ZMAT3: variants seen among roughly 807,000 people sequenced by gnomAD.
The protein encoded by ZMAT3 is zinc finger matrin-type protein 3.
ZMAT3 carries 17 observed loss-of-function variants against 32.3 expected under a neutral mutation model. The observed-to-expected ratio is 0.53, with a 90% CI of 0.36 to 0.79. The LOEUF is 0.79. ZMAT3 is among the 30% of genes least tolerant of loss of function. ZMAT3 has a pLI of 0.00. For missense variants in ZMAT3, 329 were observed against 359.7 expected, an observed-to-expected ratio of 0.91 and a Z score of 0.69; for synonymous variants, 120 against 133.1, an observed-to-expected ratio of 0.90 and a Z score of 0.68.
intron 5 of ZMAT3, among the ~76,000 whole-genome samples, chr3:179,026,494 C>T (rs1718881595): frequency 7.0e-6 from 1 of 143,018 alleles, no homozygotes; most frequent in Non-Finnish European, 1.5e-5. Context: ...TCAAGCGATT[C>T]TCCTGCCTCA....
chr3:179,067,005 G>T (rs1721449114), intron 2 of ZMAT3, among the ~76,000 whole-genome samples: 1 of 152,196 alleles, frequency 6.6e-6, no homozygotes, highest in Non-Finnish European at 1.5e-5. Flanking sequence ...AGAGTTAGAA[G>T]TCAAAAATGG....
At chr3:179,058,734 C>T (rs1301696436) in intron 2 of ZMAT3, among the ~76,000 whole-genome samples, 8 of 131,330 alleles carry the variant, frequency 6.1e-5, no homozygotes, top group Admixed American at 8.8e-5. Context: ...CCAGCCTGGG[C>T]GACAGAGCGA....
rs183467847 is a variant in ZMAT3 at position 179,040,427 on chromosome 3, T to C, written c.271-9428A>G. 8.5e-5 allele frequency among the ~76,000 whole-genome samples: 13 copies of C among 152,322 alleles called. 1 individual carries two copies. The highest frequency in any genetic ancestry group is 2.9e-4 in the African/African-American group (12 of 41,566). ...GCCAGAAAAGAGTGGGGGCCGATAT[T>C]CAACTTCCTTAAAGAAAAGAATTTT... On this transcript the variant is annotated intron_variant, in intron 2 of 5. Transcript: ENST00000311417.
intron 2 of ZMAT3, among the ~76,000 whole-genome samples, chr3:179,035,580 T>C (rs1719539908): frequency 6.6e-6 from 1 of 151,442 alleles, no homozygotes; most frequent in Admixed American, 6.6e-5. Flanking sequence ...CACTAATCAC[T>C]ATCTAAAATA....
intron 2 of ZMAT3, among the ~76,000 whole-genome samples, chr3:179,053,251 ATATC>A (rs1405612416): frequency 6.6e-6 from 1 of 150,380 alleles, no homozygotes; most frequent in East Asian, 1.9e-4. Context: ...TATCTACAAA[ATATC>A]TATATTCTAT....
intron 2 of ZMAT3, among the ~76,000 whole-genome samples, chr3:179,036,553 T>C (rs1719602965): frequency 6.6e-6 from 1 of 151,970 alleles, no homozygotes; most frequent in South Asian, 2.1e-4. Flanking sequence ...AATAGCATAT[T>C]GGATAAGAGG....
chr3:179,053,262 CTATA>C (rs1029128881), intron 2 of ZMAT3, among the ~76,000 whole-genome samples: 1 of 149,404 alleles, frequency 6.7e-6, no homozygotes, highest in Non-Finnish European at 1.5e-5. Flanking sequence ...TATCTATATT[CTATA>C]TAGAGATAAT....
chr3:179,067,490 T>C lies in ZMAT3; in HGVS notation c.263A>G (p.His88Arg), dbSNP rs773818316. 6.2e-7 allele frequency: 1 copy of C among 1,612,330 alleles called. No homozygotes were observed. The highest frequency in any genetic ancestry group is 1.7e-5 in the Admixed American group (1 of 60,010). Residue 88 changes from histidine (H) to arginine (R), a missense_variant, in exon 2 of 6, where the codon CAT becomes CGT. His to Arg is a conservative substitution (Grantham distance 29, BLOSUM62 0). Transcript: ENST00000311417. ...TTTCTTTTCTCCCTTTACCTGATAATGAGCCTGGGCTTGCTGTGCAGAGTT... is the reference window on the plus strand; with the variant it reads ...TTTCTTTTCTCCCTTTACCTGATAACGAGCCTGGGCTTGCTGTGCAGAGTT... Reference protein sequence around the residue: ...TLNSAQQAQAHYQGKNHGKKL... With the variant: ...TLNSAQQAQARYQGKNHGKKL...
intron 2 of ZMAT3, among the ~76,000 whole-genome samples, chr3:179,032,998 TCATTG>T (rs1420165540): frequency 6.6e-6 from 1 of 152,212 alleles, no homozygotes. Context: ...ACCCAACAGC[TCATTG>T]AGAACGGGCC....
intron 2 of ZMAT3, among the ~76,000 whole-genome samples, chr3:179,052,141 T>A (rs1000015846): frequency 5.9e-5 from 9 of 151,556 alleles, no homozygotes; most frequent in African/African-American, 2.2e-4. Flanking sequence ...TAAAGATAAA[T>A]AGATGAGATT....
chr3:179,052,331 A>G (rs1442591730), intron 2 of ZMAT3, among the ~76,000 whole-genome samples: 4 of 152,240 alleles, frequency 2.6e-5, no homozygotes, highest in Admixed American at 2.6e-4. Context: ...AAAGTGGCCT[A>G]AGGCCATGAA....
At chr3:179,062,093 T>C (rs1232007936) in intron 2 of ZMAT3, among the ~76,000 whole-genome samples, 4 of 152,136 alleles carry the variant, frequency 2.6e-5, no homozygotes, top group Admixed American at 1.3e-4. Flanking sequence ...AATAAAAATA[T>C]TTTTAAATTT....
chr3:179,044,587 T>C (rs1329022206), intron 2 of ZMAT3, among the ~76,000 whole-genome samples: 1 of 151,932 alleles, frequency 6.6e-6, no homozygotes, highest in East Asian at 1.9e-4. Flanking sequence ...GAGCTTGCAG[T>C]GAGCCAAGAT....
In ZMAT3 at chr3:179,017,246, G is replaced by A. The variant is rs1231949498; in HGVS notation, c.*7771C>T. On this transcript the variant is annotated 3_prime_UTR_variant, in exon 6 of 6. Coordinates refer to ENST00000311417, the MANE Select transcript of ZMAT3 (RefSeq NM_022470.4). ...AATTTTCAGACAAGACTCAGAAACC[G>A]TTTTATTAAACTGGAACACAAAATG... The A allele has an allele frequency of 2.0e-5, 3 of 152,058 alleles. No individual in the cohort carries two copies. The highest frequency in any genetic ancestry group is 2.1e-4 in the South Asian group (1 of 4,830). 9.4% of individuals were successfully genotyped at this position (152,058 alleles called of 1,614,324 possible).
At chr3:179,032,925 C>T (rs953452612) in intron 2 of ZMAT3, among the ~76,000 whole-genome samples, 1 of 151,916 alleles carries the variant, frequency 6.6e-6, no homozygotes, top group Admixed American at 6.5e-5. Flanking sequence ...CGTCTCTGCC[C>T]GGCCGCCCCG....
chr3:179,050,306 A>G (rs1458404630), intron 2 of ZMAT3, among the ~76,000 whole-genome samples: 5 of 152,156 alleles, frequency 3.3e-5, no homozygotes, highest in Admixed American at 3.3e-4. Flanking sequence ...TACAACAAAT[A>G]CCACAGAAAT....
chr3:179,055,816 G>A (rs896599852), intron 2 of ZMAT3, among the ~76,000 whole-genome samples: 7 of 152,274 alleles, frequency 4.6e-5, no homozygotes, highest in East Asian at 3.9e-4. Flanking sequence ...GAGAAGTGCC[G>A]CTGTAACTGC....
At chr3:179,037,796 G>A (rs553825785) in intron 2 of ZMAT3, among the ~76,000 whole-genome samples, 59 of 152,246 alleles carry the variant, frequency 3.9e-4, no homozygotes, top group East Asian at 2.1e-3. Context: ...CAACTCTGGC[G>A]GAAGATAACA....
chr3:179,032,320 C>A (rs1719298342), intron 2 of ZMAT3, among the ~76,000 whole-genome samples: 1 of 151,998 alleles, frequency 6.6e-6, no homozygotes, highest in Admixed American at 6.5e-5. Context: ...GTTGCCCAGG[C>A]TGGACTGCAG....
Sources: allele counts gnomAD v4.1 joint callset (sites outside exome capture counted in the v4.1 genomes callset), GRCh38; gene constraint gnomAD v4.1.1; transcripts MANE v1.5; gene names NCBI Gene and HGNC (gene_info 2026-07-23, HGNC 2026-07-21).